The following CLASP2 variants were observed in gnomAD, a reference collection of about 807,000 sequenced individuals.
CLASP2 encodes CLIP-associating protein 2.
A neutral mutation model predicts 194.4 loss-of-function variants in CLASP2; 47 were observed. The ratio of observed to expected loss-of-function variants is 0.24; its 90% confidence interval spans 0.19 to 0.31. The LOEUF is 0.31. Ranked by LOEUF, CLASP2 falls within the 10% of genes least tolerant of loss-of-function variation. The pLI, the probability that CLASP2 is intolerant of heterozygous loss-of-function variation, is 1.00. For synonymous variants in CLASP2, 619 were observed against 633.5 expected, an observed-to-expected ratio of 0.98 and a Z score of 0.34; for missense variants, 1,445 against 1,823.6, an observed-to-expected ratio of 0.79 and a Z score of 3.78.
At chr3:33,564,184 A>G (rs2062261753) in intron 27 of CLASP2, among the ~76,000 whole-genome samples, 1 of 152,214 alleles carries the variant, frequency 6.6e-6, no homozygotes, top group Non-Finnish European at 1.5e-5. Context: ...TAGAACTAGA[A>G]CCAGGCTTAA....
At chr3:33,531,729 C>T (rs764409251) in intron 34 of CLASP2, among the ~76,000 whole-genome samples, 3 of 152,242 alleles carry the variant, frequency 2.0e-5, no homozygotes, top group East Asian at 1.9e-4. Flanking sequence ...GAGCCAAGAT[C>T]GCGCCATTGC....
chr3:33,652,957 T>C (rs1377238227), intron 7 of CLASP2, among the ~76,000 whole-genome samples: 1 of 152,250 alleles, frequency 6.6e-6, no homozygotes, highest in Non-Finnish European at 1.5e-5. Flanking sequence ...CAGACCAGTA[T>C]TGTCTCTGCC....
At chr3:33,506,985 C>A (rs1286056361) in intron 37 of CLASP2, among the ~76,000 whole-genome samples, 1 of 148,498 alleles carries the variant, frequency 6.7e-6, no homozygotes, top group African/African-American at 2.5e-5. Flanking sequence ...GTTGCCCAGG[C>A]TGGAGTGCAA....
At chr3:33,604,300 TTGAGA>T in intron 16 of CLASP2, 91 bp from the exon 17 acceptor site, 2 of 866,774 alleles carry the variant, frequency 2.3e-6, no homozygotes, top group Non-Finnish European at 3.7e-6. Flanking sequence ...TTGTGGAAAG[TTGAGA>T]AGTATTTCTT....
intron 8 of CLASP2, among the ~76,000 whole-genome samples, chr3:33,641,883 T>C (rs1302203630): frequency 6.6e-6 from 1 of 151,906 alleles, no homozygotes; most frequent in Non-Finnish European, 1.5e-5. Flanking sequence ...ATCACATCTA[T>C]CTATTTATTA....
At position 33,542,587 on chromosome 3, in the gene CLASP2, A is replaced by G. The variant is rs946875333; in HGVS notation, c.3404+846T>C. Among the ~76,000 whole-genome samples, 5 of 150,306 alleles carry G rather than the reference A, an allele frequency of 3.3e-5. No individual in the cohort carries two copies. The East Asian group carries it at 9.7e-4, about 29-fold the overall frequency. On this transcript the variant is annotated intron_variant, in intron 32 of 38. Coordinates refer to ENST00000682230, the MANE Select transcript of CLASP2 (RefSeq NM_001365631.1). ...TCATTCTGAATATGAAAACCATAGT[A>G]TGACCTAATGTCATATTTATGATAT...
At chr3:33,525,750 C>A (rs1187982920) in intron 34 of CLASP2, among the ~76,000 whole-genome samples, 1 of 152,184 alleles carries the variant, frequency 6.6e-6, no homozygotes, top group Non-Finnish European at 1.5e-5. Flanking sequence ...ACAGCTCCGG[C>A]AAAGTGGGAG....
rs1052921945 is a variant in CLASP2, at chr3:33,570,634, A to T, written c.2763+93T>A. 7.0e-6 allele frequency: 10 copies of T among 1,437,056 alleles called. No individual in the cohort carries two copies. The African/African-American group carries it at 1.4e-4, about 20-fold the overall frequency. The allele number at this position is 1,437,056 out of a possible 1,614,324, so 89.0% of individuals were successfully genotyped here. ...TTGAAAATATTACTGCCATTTTGGG[A>T]CAATAAAATAAAAATGGCCTACAGT... On this transcript the variant is annotated intron_variant, in intron 26 of 38. Transcript: ENST00000682230.
intron 38 of CLASP2, among the ~76,000 whole-genome samples, chr3:33,499,627 T>C (rs1349209540): frequency 1.3e-5 from 2 of 152,010 alleles, no homozygotes; most frequent in Non-Finnish European, 2.9e-5. Flanking sequence ...GGGATTACAG[T>C]TGTGAGCCAT....
chr3:33,534,621 T>C (rs2056990653), intron 34 of CLASP2, among the ~76,000 whole-genome samples: 1 of 152,202 alleles, frequency 6.6e-6, no homozygotes, highest in Non-Finnish European at 1.5e-5. Context: ...TCAGTTTTTA[T>C]ACAACTTACC....
chr3:33,703,017 A>G (rs998646618), intron 1 of CLASP2, among the ~76,000 whole-genome samples: 7 of 152,208 alleles, frequency 4.6e-5, no homozygotes, highest in Admixed American at 1.3e-4. Flanking sequence ...AGAAAATAAC[A>G]TAAGAAAAAA....
intron 14 of CLASP2, among the ~76,000 whole-genome samples, chr3:33,608,138 G>A (rs1239119726): frequency 6.6e-6 from 1 of 152,080 alleles, no homozygotes; most frequent in Middle Eastern, 3.2e-3. Flanking sequence ...GTATATACTT[G>A]ACCAATGACA....
intron 37 of CLASP2, chr3:33,502,335 T>C (rs1033846096): frequency 2.6e-5 from 4 of 152,364 alleles, no homozygotes; most frequent in African/African-American, 9.6e-5. Context: ...TTGTATATAT[T>C]TATGGGGTAT....
intron 18 of CLASP2, among the ~76,000 whole-genome samples, chr3:33,597,675 C>A (rs1183635619): frequency 6.6e-6 from 1 of 152,016 alleles, no homozygotes; most frequent in Non-Finnish European, 1.5e-5. Flanking sequence ...CTACTGGCCC[C>A]CCAGCGTGAG....
chr3:33,715,641 T>A (rs1007252911), intron 1 of CLASP2, among the ~76,000 whole-genome samples: 2 of 152,064 alleles, frequency 1.3e-5, no homozygotes, highest in African/African-American at 2.4e-5. Context: ...ATCCTTAGCA[T>A]CTTGAATACC....
chr3:33,627,426 T>C (rs2078246034), intron 9 of CLASP2, among the ~76,000 whole-genome samples: 1 of 152,164 alleles, frequency 6.6e-6, no homozygotes, highest in Non-Finnish European at 1.5e-5. Context: ...TGCATTCATA[T>C]ACATATTACC....
chr3:33,525,380 G>C (rs559795184), intron 34 of CLASP2, among the ~76,000 whole-genome samples: 4 of 151,816 alleles, frequency 2.6e-5, no homozygotes, highest in Non-Finnish European at 5.9e-5. Context: ...GAAGGGAAGG[G>C]GTGAGTAAAC....
In CLASP2 at chr3:33,607,436, T is replaced by C. The variant is rs765132307; in HGVS notation, c.1474A>G (p.Ile492Val). Residue 492 changes from isoleucine to valine, a missense_variant, in exon 15 of 39, where the codon ATT becomes GTT. Ile to Val is a conservative substitution (Grantham distance 29). Around this residue, in one of 4 missense-constraint regions of CLASP2, gnomAD observed 207 missense variants for 331.4 expected, o/e 0.62. Transcript: ENST00000682230. ...TCAGCATCATGAATTCCCTTTTTAATAGTTTCAACCAAGACGGCTGCATGT... is the reference window on the plus strand; with the variant it reads ...TCAGCATCATGAATTCCCTTTTTAACAGTTTCAACCAAGACGGCTGCATGT... ...ERHAAVLVET[I>V]KKGIHDADAE... is the part of the protein sequence containing the mutation. 1.2e-5 allele frequency: 19 copies of C among 1,610,276 alleles called. No homozygotes were observed. In the Admixed American group the frequency reaches 2.7e-4, roughly 23 times the overall value.
chr3:33,530,272 TTA>T (rs2055943866), intron 34 of CLASP2, among the ~76,000 whole-genome samples: 1 of 152,026 alleles, frequency 6.6e-6, no homozygotes, highest in South Asian at 2.1e-4. Flanking sequence ...CCCAGGAGTT[TTA>T]GACTAGCCTG....
Sources: gnomAD v4.1 joint callset for allele counts (sites outside exome capture counted in the v4.1 genomes callset) on GRCh38, gnomAD v4.1.1 for gene constraint, gnomAD v4.1.1 regional missense constraint, MANE v1.5 for transcripts, NCBI Gene and HGNC (gene_info 2026-07-23, HGNC 2026-07-21) for gene names.